The following NIBAN2 variants were observed in gnomAD, a reference collection of about 807,000 sequenced individuals.
The protein encoded by NIBAN2 is protein Niban 2.
NIBAN2 carries 36 observed loss-of-function variants against 81.8 expected under a neutral mutation model. The ratio of observed to expected loss-of-function variants is 0.44; its 90% confidence interval spans 0.34 to 0.58. The LOEUF (loss-of-function observed/expected upper bound fraction) is 0.58, where lower values mean the gene tolerates loss of function less well. NIBAN2 is among the 20% of genes least tolerant of loss of function. The pLI, the probability that NIBAN2 is intolerant of heterozygous loss-of-function variation, is 0.02. For missense variants in NIBAN2, 897 were observed against 1,014.1 expected, an observed-to-expected ratio of 0.88 and a Z score of 1.57; for synonymous variants, 445 against 441.6, an observed-to-expected ratio of 1.01 and a Z score of -0.10.
rs1468736657 is a variant in NIBAN2, at chr9:127,568,851, G to C, written c.24C>G (p.His8Gln). The C allele has an allele frequency of 7.3e-7, 1 of 1,367,740 alleles. No individual in the cohort carries two copies. The highest frequency in any genetic ancestry group is 1.6e-5 in the South Asian group (1 of 64,458). The allele number at this position is 1,367,740 out of a possible 1,614,324, so 84.7% of individuals were successfully genotyped here. ...TGTGCTGGCGCCGGGCGTCGTCCAG[G>C]TGCGTGGACAGCACGTCCCCCATGG... MGDVLST[H>Q]LDDARRQHIA... Residue 8 changes from histidine (H) to glutamine (Q), a missense_variant, in exon 1 of 14, where the codon CAC (histidine) becomes CAG (glutamine). This residue lies in a region of NIBAN2 where 209 missense variants were observed against 208.4 expected (regional missense o/e 1.00). Transcript: ENST00000373312.
chr9:127,512,251 C>G (rs1348303356), intron 8 of NIBAN2, among the ~76,000 whole-genome samples: 2 of 151,916 alleles, frequency 1.3e-5, no homozygotes, highest in African/African-American at 2.4e-5. Flanking sequence ...CCTTCAAGTT[C>G]TCCCGCCTTT....
At position 127,531,650 on chromosome 9, in the gene NIBAN2, T is replaced by C. The variant is rs1837182578; in HGVS notation, c.184A>G (p.Lys62Glu). The C allele has an allele frequency of 4.3e-6, 7 of 1,612,920 alleles. No individual in the cohort carries two copies. Among genetic ancestry groups the C allele is most frequent in the East Asian group, 2.2e-5 (1 of 44,880 alleles). Residue 62 changes from lysine to glutamate, a missense_variant and splice_region_variant, in exon 2 of 14, where the codon AAG (lysine) becomes GAG (glutamate). Physicochemically the swap from Lys to Glu is moderately conservative, Grantham distance 56. This residue lies in a region of NIBAN2 where 209 missense variants were observed against 208.4 expected (regional missense o/e 1.00). Transcript: ENST00000373312. ...CGAGCCCTCCCAGCACCTCTCACCT[T>C]GCGCCAGAGCAGCTGGGCCTGCGGC... Reference protein sequence around the residue: ...GLPQAQLLWRKVPLDERIVFS... With the variant: ...GLPQAQLLWREVPLDERIVFS...
chr9:127,563,791 A>G lies in NIBAN2; in HGVS notation c.55+5029T>C, dbSNP rs989264183. On this transcript the variant is annotated intron_variant, in intron 1 of 13. Transcript: ENST00000373312. This position sits in a 1 kb window ranked among gnomAD's most constrained non-coding sequence, Gnocchi z 4.1. ...TGTCTCCCAAAGCGCTGGAATTACA[A>G]GCGTGAGTCACCGCGCCCAGCAGAG... Among the ~76,000 whole-genome samples the G allele has an allele frequency of 6.6e-5, 10 of 152,164 alleles. No individual in the cohort carries two copies. Among genetic ancestry groups the G allele is most frequent in the Admixed American group, 4.6e-4 (7 of 15,264 alleles).
At chr9:127,522,236 G>A (rs1836958089) in intron 5 of NIBAN2, among the ~76,000 whole-genome samples, 2 of 152,188 alleles carry the variant, frequency 1.3e-5, no homozygotes, top group African/African-American at 4.8e-5. Flanking sequence ...CTCCTGCTTG[G>A]CAGATTCCAG....
chr9:127,513,161 G>A (rs1477875885), intron 8 of NIBAN2, among the ~76,000 whole-genome samples: 1 of 152,068 alleles, frequency 6.6e-6, no homozygotes, highest in Non-Finnish European at 1.5e-5. Context: ...AAAAATTAAA[G>A]CAAATTGACA....
chr9:127,564,464 C>A (rs1837823775), intron 1 of NIBAN2, among the ~76,000 whole-genome samples: 1 of 152,080 alleles, frequency 6.6e-6, no homozygotes, highest in Non-Finnish European at 1.5e-5. Context: ...ACCATCCATG[C>A]ACAGAAACGA....
At chr9:127,516,221 G>C (rs1319026254) in intron 8 of NIBAN2, among the ~76,000 whole-genome samples, 5 of 152,226 alleles carry the variant, frequency 3.3e-5, no homozygotes, top group South Asian at 2.1e-4. Flanking sequence ...TGGGGACCAA[G>C]CTGGTGAAAG....
intron 1 of NIBAN2, among the ~76,000 whole-genome samples, chr9:127,562,077 A>G (rs1287489141): frequency 6.6e-6 from 1 of 152,160 alleles, no homozygotes; most frequent in African/African-American, 2.4e-5. Flanking sequence ...GGGACGGAGA[A>G]TGGGGCTGGT....
At position 127,506,726 on chromosome 9, in the gene NIBAN2, C is replaced by T; in HGVS notation, c.*119G>A. On this transcript the variant is annotated 3_prime_UTR_variant, in exon 14 of 14. Coordinates refer to ENST00000373312, the MANE Select transcript of NIBAN2 (RefSeq NM_022833.4). ...GGGCCCGCTCCCTGGCGGTGCCACA[C>T]AGCCCTGCCCCGCCTCCACCCACAA... 1 of 881,954 alleles carries T rather than the reference C, an allele frequency of 1.1e-6. No homozygotes were observed. The highest frequency in any genetic ancestry group is 1.6e-6 in the Non-Finnish European group (1 of 608,108). 54.6% of individuals were successfully genotyped at this position (881,954 alleles called of 1,614,324 possible). A position where few individuals can be genotyped will look rare whatever the true frequency, so the allele number is the denominator to read the frequency against.
chr9:127,507,514 G>A lies in NIBAN2; in HGVS notation c.1655-83C>T, dbSNP rs548488288. On this transcript the variant is annotated intron_variant, in intron 13 of 13. Coordinates refer to ENST00000373312, the MANE Select transcript of NIBAN2 (RefSeq NM_022833.4). This position sits in a 1 kb window ranked among gnomAD's most constrained non-coding sequence, Gnocchi z 6.8. ...GCTGGACTCTGCTCAAAGAAGACCC[G>A]TCTCATCCCGCCTTGGGGGTCTGTG... 1.4e-5 allele frequency: 17 copies of A among 1,189,762 alleles called. No homozygotes were observed. The highest frequency in any genetic ancestry group is 5.2e-4 in the Middle Eastern group (2 of 3,816). 73.7% of individuals were successfully genotyped at this position (1,189,762 alleles called of 1,614,324 possible). A position where few individuals can be genotyped will look rare whatever the true frequency, so the allele number is the denominator to read the frequency against.
chr9:127,515,761 C>G (rs917063699), intron 8 of NIBAN2, among the ~76,000 whole-genome samples: 7 of 151,070 alleles, frequency 4.6e-5, no homozygotes, highest in South Asian at 2.1e-4. Flanking sequence ...TGCTTGAACC[C>G]GAGAGGCAAG....
At chr9:127,537,605 C>A (rs1417001325) in intron 1 of NIBAN2, among the ~76,000 whole-genome samples, 1 of 152,144 alleles carries the variant, frequency 6.6e-6, no homozygotes, top group African/African-American at 2.4e-5. Flanking sequence ...CCTGGCATAA[C>A]CCTTAGCCTC....
intron 1 of NIBAN2, among the ~76,000 whole-genome samples, chr9:127,564,870 A>G (rs964249261): frequency 6.6e-6 from 1 of 152,142 alleles, no homozygotes; most frequent in African/African-American, 2.4e-5. Flanking sequence ...ATCTCAAAAA[A>G]AAAAAAAAAA....
chr9:127,510,215 G>A lies in NIBAN2; in HGVS notation c.1092C>T (p.Val364=). 6.2e-7 allele frequency: 1 copy of A among 1,614,120 alleles called. No homozygotes were observed. The highest frequency in any genetic ancestry group is 8.5e-7 in the Non-Finnish European group (1 of 1,179,986). Residue 364 remains valine, a synonymous_variant, in exon 9 of 14, where the codon GTC becomes GTT. Transcript: ENST00000373312. ...TCATGTCCGTGACCTCCTTGAAGAAGACATCTCGCACCTCAGTGAAGCCCT... is the reference window on the plus strand; with the variant it reads ...TCATGTCCGTGACCTCCTTGAAGAAAACATCTCGCACCTCAGTGAAGCCCT... The part of the protein sequence containing the change: ...TSQGFTEVRD[V]FFKEVTDMNL...
chr9:127,538,421 G>A (rs2132201000), intron 1 of NIBAN2, among the ~76,000 whole-genome samples: 1 of 152,218 alleles, frequency 6.6e-6, no homozygotes, highest in East Asian at 1.9e-4. Context: ...AAACACAGCG[G>A]CTGCCACCCA....
Position 127,507,263 on chromosome 9 carries a change from T to C in NIBAN2, c.1823A>G (p.Glu608Gly). 1 of 1,605,070 alleles carries C rather than the reference T, an allele frequency of 6.2e-7. No individual in the cohort carries two copies. The highest frequency in any genetic ancestry group is 8.5e-7 in the Non-Finnish European group (1 of 1,174,418). ...TCGCTTTTCCGAGAGGGTGGCTGAC[T>C]CCGGGGTGCTGGGGCTGGGGCTGCC... ...GGGSPSPSTPESATLSEKRRR... is the reference protein window; with the variant it reads ...GGGSPSPSTPGSATLSEKRRR... The change falls in exon 14 of 14, where the codon GAG becomes GGG. Residue 608 changes from glutamate (E) to glycine (G), a missense_variant. Coordinates refer to ENST00000373312, the MANE Select transcript of NIBAN2 (RefSeq NM_022833.4). This position sits in a 1 kb window ranked among gnomAD's most constrained non-coding sequence, Gnocchi z 6.8.
intron 5 of NIBAN2, among the ~76,000 whole-genome samples, chr9:127,519,928 G>A (rs1394825881): frequency 6.6e-6 from 1 of 152,234 alleles, no homozygotes. Context: ...CACGGGGAGA[G>A]GGAATTTTCA....
rs1837805572 is a variant in NIBAN2, at chr9:127,563,348, C to T, written c.55+5472G>A. On this transcript the variant is annotated intron_variant, in intron 1 of 13. Coordinates refer to ENST00000373312, the MANE Select transcript of NIBAN2 (RefSeq NM_022833.4). The surrounding 1 kb of genome is among the most constrained non-coding windows in gnomAD (Gnocchi z 4.1). ...CTTCGCCCCCAGGGGCTGACCCGGA[C>T]CTTGGCTAAGGGCAGCGGCCCAGGC... 6.6e-6 allele frequency among the ~76,000 whole-genome samples: 1 copy of T among 152,252 alleles called. No individual in the cohort carries two copies. The highest frequency in any genetic ancestry group is 6.5e-5 in the Admixed American group (1 of 15,290).
chr9:127,555,723 C>A (rs1468321599), intron 1 of NIBAN2, among the ~76,000 whole-genome samples: 4 of 152,216 alleles, frequency 2.6e-5, no homozygotes, highest in African/African-American at 9.6e-5. Flanking sequence ...GACAGGAGAG[C>A]AAACCACAGG....
Sources: allele counts gnomAD v4.1 joint callset (sites outside exome capture counted in the v4.1 genomes callset), GRCh38; gene constraint gnomAD v4.1.1; regional missense constraint gnomAD v4.1.1; non-coding constraint Gnocchi (gnomAD v3.1); transcripts MANE v1.5; gene names NCBI Gene and HGNC (gene_info 2026-07-23, HGNC 2026-07-21).